The following TAF3 variants were observed in gnomAD, a reference collection of about 807,000 sequenced individuals.
TAF3 encodes the protein transcription initiation factor TFIID subunit 3.
A neutral mutation model predicts 80.6 loss-of-function variants in TAF3; 7 were observed. That is an observed-to-expected ratio of 0.09 (90% confidence interval 0.05 to 0.16). TAF3 has a LOEUF of 0.16. Ranked by LOEUF, TAF3 falls within the 10% of genes least tolerant of loss-of-function variation. The pLI, the probability that TAF3 is intolerant of heterozygous loss-of-function variation, is 1.00. For missense variants in TAF3, 921 were observed against 1,140.2 expected, an observed-to-expected ratio of 0.81 and a Z score of 2.77; for synonymous variants, 444 against 446.1, an observed-to-expected ratio of 1.00 and a Z score of 0.06.
At chr10:7,890,998 C>T (rs776786230) in intron 2 of TAF3, among the ~76,000 whole-genome samples, 6 of 152,324 alleles carry the variant, frequency 3.9e-5, no homozygotes, top group South Asian at 2.1e-4. Context: ...GCTGAACTTG[C>T]GGATGCCAGT....
At chr10:7,973,527 A>AAAAGGAAAACAAAATGGAAAAG (rs1831640517) in intron 3 of TAF3, among the ~76,000 whole-genome samples, 1 of 152,208 alleles carries the variant, frequency 6.6e-6, no homozygotes, top group Non-Finnish European at 1.5e-5. Flanking sequence ...CTCAGAAGAG[A>AAAAGGAAAACAAAATGGAAAAG]AAAGGAAAAC....
At chr10:7,886,254 C>T (rs1371720244) in intron 2 of TAF3, among the ~76,000 whole-genome samples, 1 of 152,112 alleles carries the variant, frequency 6.6e-6, no homozygotes, top group East Asian at 1.9e-4. Context: ...GATGAGTCAG[C>T]CACATTAGAC....
At chr10:7,934,308 GTT>G (rs1200887980) in intron 2 of TAF3, among the ~76,000 whole-genome samples, 1 of 152,138 alleles carries the variant, frequency 6.6e-6, no homozygotes, top group Non-Finnish European at 1.5e-5. Flanking sequence ...ATTGGCAGGA[GTT>G]TTTTCGTTAA....
At chr10:7,915,101 C>T (rs990724695) in intron 2 of TAF3, among the ~76,000 whole-genome samples, 26 of 151,664 alleles carry the variant, frequency 1.7e-4, no homozygotes, top group Admixed American at 3.3e-4. Context: ...CCACCACGCC[C>T]AGCTACTTTT....
chr10:7,856,422 G>T (rs1425532017), intron 2 of TAF3, among the ~76,000 whole-genome samples: 1 of 152,186 alleles, frequency 6.6e-6, no homozygotes, highest in Non-Finnish European at 1.5e-5. Flanking sequence ...GGAGGTTGCA[G>T]TGAGCCGAGA....
At chr10:7,969,349 T>C in intron 3 of TAF3, among the ~76,000 whole-genome samples, 1 of 152,080 alleles carries the variant, frequency 6.6e-6, no homozygotes. Flanking sequence ...GTCACAGCCA[T>C]AATAGTTGTA....
intron 2 of TAF3, among the ~76,000 whole-genome samples, chr10:7,938,787 T>C (rs745910676): frequency 4.6e-5 from 7 of 152,122 alleles, no homozygotes; most frequent in Non-Finnish European, 1.0e-4. Context: ...GAATGTTAAG[T>C]GTTGAAAGAG....
intron 2 of TAF3, among the ~76,000 whole-genome samples, chr10:7,852,225 C>T (rs1837034684): frequency 6.6e-6 from 1 of 152,302 alleles, no homozygotes; most frequent in Non-Finnish European, 1.5e-5. Context: ...GCTGGGATTA[C>T]AGACGCCTGG....
chr10:7,983,081 T>A (rs1442608249), intron 4 of TAF3, among the ~76,000 whole-genome samples: 1 of 151,944 alleles, frequency 6.6e-6, no homozygotes, highest in East Asian at 1.9e-4. Context: ...TTGCCAAGTA[T>A]CCTAGGGCTC....
At chr10:7,822,685 G>T (rs1454802031) in intron 1 of TAF3, among the ~76,000 whole-genome samples, 1 of 152,072 alleles carries the variant, frequency 6.6e-6, no homozygotes, top group Non-Finnish European at 1.5e-5. Context: ...TCATTTTACA[G>T]TGTGATTTAA....
intron 2 of TAF3, among the ~76,000 whole-genome samples, chr10:7,933,509 A>G (rs1176882965): frequency 1.3e-5 from 2 of 152,332 alleles, no homozygotes; most frequent in East Asian, 1.9e-4. Context: ...AGTTGTGATA[A>G]CATCTTCAAG....
chr10:7,835,960 G>A (rs1322423525), intron 2 of TAF3, among the ~76,000 whole-genome samples: 1 of 152,044 alleles, frequency 6.6e-6, no homozygotes, highest in African/African-American at 2.4e-5. Flanking sequence ...GAAGCTTTTT[G>A]CTGCTTTCAT....
intron 2 of TAF3, among the ~76,000 whole-genome samples, chr10:7,925,113 C>T (rs1404341403): frequency 6.6e-6 from 1 of 152,306 alleles, no homozygotes; most frequent in African/African-American, 2.4e-5. Flanking sequence ...ATACTGGCAA[C>T]TTAACGAGTT....
chr10:8,006,220 A>T (rs937054214), intron 4 of TAF3, among the ~76,000 whole-genome samples: 2 of 130,630 alleles, frequency 1.5e-5, no homozygotes, highest in African/African-American at 5.5e-5. Context: ...ACACACACAC[A>T]CACAAATTAG....
intron 2 of TAF3, among the ~76,000 whole-genome samples, chr10:7,907,491 G>A (rs1564361059): frequency 6.6e-6 from 1 of 152,198 alleles, no homozygotes; most frequent in Non-Finnish European, 1.5e-5. Context: ...CAAGGGTAAA[G>A]TGAGTGTTAA....
At chr10:7,967,695 A>G (rs1273146239) in intron 3 of TAF3, among the ~76,000 whole-genome samples, 1 of 152,230 alleles carries the variant, frequency 6.6e-6, no homozygotes, top group Non-Finnish European at 1.5e-5. Flanking sequence ...AAATGAGAAC[A>G]TACAAGGTGT....
At chr10:7,945,813 C>A (rs1010790243) in intron 2 of TAF3, among the ~76,000 whole-genome samples, 1 of 152,214 alleles carries the variant, frequency 6.6e-6, no homozygotes, top group African/African-American at 2.4e-5. Context: ...TCTCCACACA[C>A]ATTATCCCAT....
At chr10:7,864,404 G>A (rs1030198879) in intron 2 of TAF3, among the ~76,000 whole-genome samples, 3 of 152,128 alleles carry the variant, frequency 2.0e-5, no homozygotes, top group African/African-American at 7.2e-5. Flanking sequence ...TCTAACAAAT[G>A]CATTGTGTCA....
chr10:7,956,401 C>T (rs1279881718), intron 2 of TAF3, among the ~76,000 whole-genome samples: 3 of 152,078 alleles, frequency 2.0e-5, no homozygotes, highest in Non-Finnish European at 2.9e-5. Flanking sequence ...GCAGGAGAAT[C>T]GCTTGACCCC....
Sources: allele counts gnomAD v4.1 joint callset (sites outside exome capture counted in the v4.1 genomes callset), GRCh38; gene constraint gnomAD v4.1.1; transcripts MANE v1.5; gene names NCBI Gene and HGNC (gene_info 2026-07-23, HGNC 2026-07-21).